SLC6A4: variants seen among roughly 807,000 people sequenced by gnomAD.
SLC6A4 encodes the protein sodium-dependent serotonin transporter.
In SLC6A4, 22 loss-of-function variants were observed where a neutral mutation model predicts 73.4. The ratio of observed to expected loss-of-function variants is 0.30; its 90% CI spans 0.21 to 0.43. SLC6A4 has a LOEUF of 0.43. SLC6A4 is among the 20% of genes least tolerant of loss of function. The pLI is 1.00. For missense variants in SLC6A4, 593 were observed against 808.5 expected (o/e 0.73, Z 3.23); for synonymous variants, 270 against 315.5 (o/e 0.86, Z 1.53).
At chr17:30,222,160 T>TA in intron 2 of SLC6A4, 79 bp from the exon 3 acceptor site, 7 of 847,164 alleles carry the variant, frequency 8.3e-6, no homozygotes, top group Non-Finnish European at 1.3e-5. Context: ...TCATACATCT[T>TA]AAACTACATT....
chr17:30,210,778 G>T (rs746479143), intron 10 of SLC6A4, 132 bp from the exon 11 acceptor site: 10 of 912,844 alleles, frequency 1.1e-5, no homozygotes, highest in Non-Finnish European at 1.6e-5. Context: ...TCCCCGGCTC[G>T]CTGGACCATG....
chr17:30,200,480 C>T (rs1004618220), intron 14 of SLC6A4, among the ~76,000 whole-genome samples: 2 of 152,190 alleles, frequency 1.3e-5, no homozygotes, highest in Admixed American at 6.5e-5. Context: ...ACTCCAACCG[C>T]AAGACTTCCA....
At chr17:30,223,156 A>C (rs1567822189) in intron 1 of SLC6A4, among the ~76,000 whole-genome samples, 1 of 152,216 alleles carries the variant, frequency 6.6e-6, no homozygotes, top group Non-Finnish European at 1.5e-5. Context: ...AGCAGTTGTA[A>C]GACTGTTCAA....
intron 11 of SLC6A4, among the ~76,000 whole-genome samples, chr17:30,209,552 C>T (rs759017242): frequency 2.0e-5 from 3 of 149,622 alleles, no homozygotes; most frequent in Non-Finnish European, 3.0e-5. Flanking sequence ...GAGGCTGAGG[C>T]GGGAGAATTG....
chr17:30,215,020 CTTTTT>C (rs759615386), intron 8 of SLC6A4, among the ~76,000 whole-genome samples: 4 of 24,470 alleles, frequency 1.6e-4, no homozygotes, highest in Non-Finnish European at 2.2e-4. Flanking sequence ...TTCTTTCTTT[CTTTTT>C]TCTTTCTTTC....
intron 2 of SLC6A4, 40 bp from the exon 3 acceptor site, chr17:30,222,121 A>G (rs201399475): frequency 1.3e-5 from 18 of 1,355,334 alleles, no homozygotes; most frequent in Middle Eastern, 3.6e-4. Context: ...AAAAAGTTAG[A>G]CATTTTACTC....
intron 4 of SLC6A4, 88 bp from the exon 5 acceptor site, chr17:30,218,425 G>A (rs539817050): frequency 4.1e-5 from 41 of 992,144 alleles, no homozygotes; most frequent in South Asian, 1.7e-4. Context: ...GGAGAGCCCC[G>A]CAGCCCAGCA....
At chr17:30,209,325 C>T in intron 11 of SLC6A4, 83 bp from the exon 12 acceptor site, 2 of 846,920 alleles carry the variant, frequency 2.4e-6, no homozygotes, top group Non-Finnish European at 3.8e-6. Flanking sequence ...GGCTTCCTCA[C>T]TTAGAATCAT....
In SLC6A4 at chr17:30,219,343, C is replaced by T. The variant is rs565914527; in HGVS notation, c.344-412G>A. Among the ~76,000 whole-genome samples, 71 of 152,300 alleles carry T rather than the reference C, an allele frequency of 4.7e-4. 1 individual carries two copies. In the Middle Eastern group the frequency reaches 0.01, roughly 22 times the overall value. On this transcript the variant is annotated intron_variant, in intron 3 of 14. Transcript: ENST00000650711. The stretch of plus-strand genomic sequence containing the variant: ...ATCATAGTCACCTAGATTCCTGGGT[C>T]TACCCCAGACCTCCTGAAGCGGAAT...
chr17:30,215,572 G>A (rs1384577924), intron 8 of SLC6A4, 39 bp downstream of exon 8: 3 of 1,514,786 alleles, frequency 2.0e-6, no homozygotes, highest in East Asian at 2.3e-5. Context: ...TTTCACTCAC[G>A]CCACTTTCAA....
At chr17:30,218,753 C>G in intron 4 of SLC6A4, 44 bp downstream of exon 4, 1 of 1,608,906 alleles carries the variant, frequency 6.2e-7, no homozygotes, top group Non-Finnish European at 8.5e-7. Context: ...GAAATCCCTT[C>G]CTGAGAGGCT....
chr17:30,207,201 A>C (rs1359466679), intron 13 of SLC6A4, among the ~76,000 whole-genome samples: 1 of 152,128 alleles, frequency 6.6e-6, no homozygotes, highest in East Asian at 1.9e-4. Context: ...AGGAGTCAGA[A>C]GGGTGGGGAA....
In SLC6A4 at chr17:30,211,209, G is replaced by C; in HGVS notation, c.1317+103C>G. On this transcript the variant is annotated intron_variant, in intron 10 of 14. Coordinates refer to ENST00000650711, the MANE Select transcript of SLC6A4 (RefSeq NM_001045.6). This position sits in a 1 kb window ranked among gnomAD's most constrained non-coding sequence, Gnocchi z 4.0. Reference sequence around the variant, plus strand: ...GGAGCACCAGAAGGGAGTAGCCAAAGCTGCCTGGGATGGCCAGGGATGGGA... The same window carrying C: ...GGAGCACCAGAAGGGAGTAGCCAAACCTGCCTGGGATGGCCAGGGATGGGA... 1.3e-6 allele frequency: 1 copy of C among 755,466 alleles called. No individual in the cohort carries two copies. The highest frequency in any genetic ancestry group is 2.6e-5 in the East Asian group (1 of 38,628). 46.8% of individuals were successfully genotyped at this position (755,466 alleles called of 1,614,324 possible). A position where few individuals can be genotyped will look rare whatever the true frequency, so the allele number is the denominator to read the frequency against.
At chr17:30,210,323 A>T (rs1356175862) in intron 11 of SLC6A4, among the ~76,000 whole-genome samples, 192 bp downstream of exon 11, 2 of 152,202 alleles carry the variant, frequency 1.3e-5, no homozygotes, top group East Asian at 3.8e-4. Flanking sequence ...CTATGCACGG[A>T]ATCTGCAAGT....
At chr17:30,201,081 C>T (rs1237272328) in intron 14 of SLC6A4, among the ~76,000 whole-genome samples, 3 of 152,134 alleles carry the variant, frequency 2.0e-5, no homozygotes, top group African/African-American at 7.2e-5. Flanking sequence ...CTGTGCCCGG[C>T]CAAGAAACCT....
rs199593074 is a variant in SLC6A4, at chr17:30,207,841, G to A, written c.1550-9C>T. On this transcript the variant is annotated splice_polypyrimidine_tract_variant and intron_variant, in intron 12 of 14. Transcript: ENST00000650711. ...GCAGAACTGAGTGATGCCTGGAACC[G>A]CCCAAGGGGAAGAGAGGCAGAGACT... 28 of 1,606,082 alleles carry A rather than the reference G, an allele frequency of 1.7e-5. No individual in the cohort carries two copies. Among genetic ancestry groups the A allele is most frequent in the South Asian group, 2.2e-5 (2 of 90,842 alleles).
Position 30,211,280 on chromosome 17 carries a change from C to T in SLC6A4, c.1317+32G>A. The T allele has an allele frequency of 7.3e-7, 1 of 1,376,902 alleles. No homozygotes were observed. Among genetic ancestry groups the T allele is most frequent in the East Asian group, 2.3e-5 (1 of 43,758 alleles). The allele number at this position is 1,376,902 out of a possible 1,614,324, so 85.3% of individuals were successfully genotyped here. A position where few individuals can be genotyped will look rare whatever the true frequency, so the allele number is the denominator to read the frequency against. On this transcript the variant is annotated intron_variant, in intron 10 of 14. Transcript: ENST00000650711. This position sits in a 1 kb window ranked among gnomAD's most constrained non-coding sequence, Gnocchi z 4.0. ...TCCTCCTCCTTTCCTCTTCATCCTC[C>T]CACAGCCCATTTCCCCTTCCCATTT...
At chr17:30,228,969 C>G (rs1051231993) in intron 1 of SLC6A4, among the ~76,000 whole-genome samples, 6 of 152,180 alleles carry the variant, frequency 3.9e-5, no homozygotes, top group African/African-American at 1.4e-4. Flanking sequence ...CCTGACTGGG[C>G]GAGGGTGCCA....
intron 14 of SLC6A4, among the ~76,000 whole-genome samples, chr17:30,199,316 G>GAA (rs769891567): frequency 1.6e-5 from 2 of 126,186 alleles, no homozygotes; most frequent in Non-Finnish European, 1.7e-5. Flanking sequence ...ATATAGAGGA[G>GAA]AAAAAAAAAA....
Sources: gnomAD v4.1 joint callset for allele counts (sites outside exome capture counted in the v4.1 genomes callset) on GRCh38, gnomAD v4.1.1 for gene constraint, Gnocchi (gnomAD v3.1) non-coding constraint, MANE v1.5 for transcripts, NCBI Gene and HGNC (gene_info 2026-07-23, HGNC 2026-07-21) for gene names.